Variants in TNKS2 observed in about 807,000 individuals in gnomAD.
TNKS2 encodes poly [ADP-ribose] polymerase tankyrase-2.
TNKS2 carries 72 observed loss-of-function variants against 137.6 expected under a neutral mutation model. That is an observed-to-expected ratio of 0.52 (90% CI 0.43 to 0.64). The LOEUF (loss-of-function observed/expected upper bound fraction) is 0.64. Ranked by LOEUF, TNKS2 falls within the 30% of genes least tolerant of loss-of-function variation. The pLI, the probability that TNKS2 is intolerant of heterozygous loss-of-function variation, is 0.00. For synonymous variants in TNKS2, 516 were observed against 512.1 expected, an observed-to-expected ratio of 1.01 and a Z score of -0.10; for missense variants, 1,049 against 1,410.2, an observed-to-expected ratio of 0.74 and a Z score of 4.10.
At chr10:91,831,299 T>C in intron 11 of TNKS2, 118 bp downstream of exon 11, 2 of 925,038 alleles carry the variant, frequency 2.2e-6, no homozygotes, top group Non-Finnish European at 3.3e-6. Context: ...TTTTTCCTTA[T>C]AATCTATGCT....
intron 1 of TNKS2, among the ~76,000 whole-genome samples, chr10:91,807,733 G>A (rs943551676): frequency 2.0e-5 from 3 of 152,162 alleles, no homozygotes; most frequent in African/African-American, 7.2e-5. Context: ...AGTGGCTCAT[G>A]CCTGTAATCC....
chr10:91,841,245 T>G, intron 14 of TNKS2, 38 bp from the exon 15 acceptor site: 1 of 1,458,396 alleles, frequency 6.9e-7, no homozygotes, highest in Non-Finnish European at 9.1e-7. Context: ...TTAAAACATG[T>G]TCTTCTGTGG....
chr10:91,827,624 C>T (rs1043501054), intron 8 of TNKS2, among the ~76,000 whole-genome samples: 1 of 152,134 alleles, frequency 6.6e-6, no homozygotes, highest in African/African-American at 2.4e-5. Context: ...GGGCCAAGTT[C>T]GGTTTTCTGT....
chr10:91,830,973 G>A lies in TNKS2; in HGVS notation c.1155G>A (p.Leu385=). 1 of 1,612,212 alleles carries A rather than the reference G, an allele frequency of 6.2e-7. No individual in the cohort carries two copies. The highest frequency in any genetic ancestry group is 8.5e-7 in the Non-Finnish European group (1 of 1,179,716). Residue 385 remains leucine, a synonymous_variant, in exon 10 of 27, where the codon CTG becomes CTA. Coordinates refer to ENST00000371627, the MANE Select transcript of TNKS2 (RefSeq NM_025235.4). ...CCAAAAGAAAGCAAATATGTGAACT[G>A]TTGCTAAGAAAAGGAGCAAACATCA... ...PYPKRKQICE[L]LLRKGANINE... is the part of the protein sequence containing the mutation.
chr10:91,813,071 T>C lies in TNKS2; in HGVS notation c.288T>C (p.His96=), dbSNP rs1260680517. 6.2e-7 allele frequency: 1 copy of C among 1,614,092 alleles called. No individual in the cohort carries two copies. Among genetic ancestry groups the C allele is most frequent in the Non-Finnish European group, 8.5e-7 (1 of 1,180,034 alleles). ...ARDDGGLIPL[H]NACSFGHAEV... ...ATGATGGGGGCCTTATTCCTCTTCA[T>C]AATGCATGCTCTTTTGGTCATGCTG... The change falls in exon 2 of 27, where the codon CAT becomes CAC. Residue 96 remains histidine, a synonymous_variant. Transcript: ENST00000371627.
At chr10:91,827,244 C>A in intron 8 of TNKS2, 41 bp downstream of exon 8, 1 of 1,338,190 alleles carries the variant, frequency 7.5e-7, no homozygotes, top group Non-Finnish European at 9.8e-7. Flanking sequence ...GATATTATAT[C>A]AATAAACTGA....
At chr10:91,821,323 C>T (rs903960478) in intron 6 of TNKS2, among the ~76,000 whole-genome samples, 2 of 152,004 alleles carry the variant, frequency 1.3e-5, no homozygotes, top group African/African-American at 2.4e-5. Context: ...TGAGCCACCA[C>T]GCCTGGCCTA....
intron 2 of TNKS2, among the ~76,000 whole-genome samples, chr10:91,814,613 A>T (rs58546654): frequency 1.4e-3 from 206 of 152,284 alleles, no homozygotes; most frequent in African/African-American, 4.8e-3. Flanking sequence ...TCCTATACAG[A>T]TATACCATTT....
At chr10:91,828,786 A>G (rs563919632) in intron 9 of TNKS2, among the ~76,000 whole-genome samples, 48 of 152,338 alleles carry the variant, frequency 3.2e-4, no homozygotes, top group African/African-American at 1.1e-3. Flanking sequence ...CACCATCCAG[A>G]TGAAAACACT....
In TNKS2 at chr10:91,849,510, A is replaced by G. The variant is rs1334697925; in HGVS notation, c.2612-2A>G. The G allele has an allele frequency of 6.2e-7, 1 of 1,606,252 alleles. No homozygotes were observed. ...TTTGTTTTGGATTTTTTTATTTCCC[A>G]GTTCCAGGAGTAGATTTTAGCATAA... is the stretch of plus-strand genomic sequence containing the variant. On this transcript the variant is annotated splice_acceptor_variant, in intron 19 of 26. Transcript: ENST00000371627. LOFTEE classifies it high-confidence loss of function.
intron 1 of TNKS2, among the ~76,000 whole-genome samples, chr10:91,804,437 G>A (rs190847637): frequency 2.0e-4 from 30 of 152,312 alleles, no homozygotes; most frequent in African/African-American, 6.7e-4. Context: ...TTCACAAGTA[G>A]AACAGTGTTT....
At position 91,848,377 on chromosome 10, in the gene TNKS2, C is replaced by A. The variant is rs750788567; in HGVS notation, c.2359-6C>A. The A allele has an allele frequency of 1.2e-6, 2 of 1,613,524 alleles. No individual in the cohort carries two copies. The highest frequency in any genetic ancestry group is 2.2e-5 in the South Asian group (2 of 91,032). On this transcript the variant is annotated splice_region_variant and splice_polypyrimidine_tract_variant and intron_variant, in intron 18 of 26. Transcript: ENST00000371627. ...TGGCAGATGTTGTCTCTGACACGTA[C>A]CCTAGGCGGATGATGTCAGCGCTCT... is the stretch of plus-strand genomic sequence containing the variant.
At chr10:91,802,197 A>G (rs1844192981) in intron 1 of TNKS2, among the ~76,000 whole-genome samples, 2 of 152,222 alleles carry the variant, frequency 1.3e-5, no homozygotes. Context: ...ATTATATTCA[A>G]TTGTGTGAAT....
intron 1 of TNKS2, among the ~76,000 whole-genome samples, chr10:91,804,569 C>T (rs1424772747): frequency 2.0e-5 from 3 of 152,192 alleles, no homozygotes; most frequent in African/African-American, 7.2e-5. Context: ...TGGAGATTTA[C>T]ATTGACTCTG....
rs1256864234 is a variant in TNKS2 at position 91,833,906 on chromosome 10, T to C, written c.1329T>C (p.Cys443=). The change falls in exon 12 of 27, where the codon TGT becomes TGC. Residue 443 remains cysteine (C), a synonymous_variant. Transcript: ENST00000371627. ...CTTCTCTACACAGAGCTGCATATTG[T>C]GGTCATCTACAAACCTGCCGCCTAC... ...GQTSLHRAAY[C]GHLQTCRLLL... is the part of the protein sequence containing the mutation. 2 of 1,613,910 alleles carry C rather than the reference T, an allele frequency of 1.2e-6. No homozygotes were observed. The highest frequency in any genetic ancestry group is 1.7e-5 in the Admixed American group (1 of 59,978).
rs768871473 is a variant in TNKS2 at position 91,857,421 on chromosome 10, A to G, written c.2989-4A>G. 14 of 1,583,232 alleles carry G rather than the reference A, an allele frequency of 8.8e-6. No individual in the cohort carries two copies. In the South Asian group the frequency reaches 1.2e-4, roughly 13 times the overall value. ...ATTTGATTTTTCTGGTTTATTTTTTATAGATTCAGAAGGTTTGTAACAAGA... is the reference window on the plus strand; with the variant it reads ...ATTTGATTTTTCTGGTTTATTTTTTGTAGATTCAGAAGGTTTGTAACAAGA... On this transcript the variant is annotated splice_polypyrimidine_tract_variant and splice_region_variant and intron_variant, in intron 23 of 26. Coordinates refer to ENST00000371627, the MANE Select transcript of TNKS2 (RefSeq NM_025235.4).
intron 1 of TNKS2, among the ~76,000 whole-genome samples, chr10:91,803,961 G>T (rs936231712): frequency 6.6e-6 from 1 of 152,182 alleles, no homozygotes; most frequent in Non-Finnish European, 1.5e-5. Flanking sequence ...AAGAGTCTAA[G>T]TTGGTTTCTC....
At chr10:91,840,509 G>A (rs1842177577) in intron 13 of TNKS2, 52 bp from the exon 14 acceptor site, 3 of 1,520,876 alleles carry the variant, frequency 2.0e-6, no homozygotes, top group Non-Finnish European at 1.8e-6. Context: ...CTTGAAACAA[G>A]AAATAACAAT....
intron 21 of TNKS2, among the ~76,000 whole-genome samples, chr10:91,854,811 G>A (rs1304971691): frequency 6.6e-6 from 1 of 151,332 alleles, no homozygotes. Context: ...GCTAAGGCAG[G>A]AGAATCGCTT....
Sources: allele counts gnomAD v4.1 joint callset (sites outside exome capture counted in the v4.1 genomes callset), GRCh38; gene constraint gnomAD v4.1.1; transcripts MANE v1.5; gene names NCBI Gene and HGNC (gene_info 2026-07-23, HGNC 2026-07-21).